Variants in EXOC2 observed in about 807,000 individuals in gnomAD.
EXOC2 encodes the protein exocyst complex component 2.
Under a neutral mutation model 131.8 loss-of-function variants are expected in EXOC2, and 70 were observed. The ratio of observed to expected loss-of-function variants is 0.53; its 90% CI spans 0.44 to 0.65. The LOEUF (loss-of-function observed/expected upper bound fraction) is 0.65. Among genes scored for constraint, EXOC2 ranks in the 30% least tolerant of loss-of-function variants. The probability of loss-of-function intolerance (pLI) is 0.00; values close to 1 mark genes in which losing one functional copy is unlikely to be tolerated. For synonymous variants in EXOC2, 411 were observed against 398.4 expected (o/e 1.03, Z -0.38); for missense variants, 923 against 1,108.6 (o/e 0.83, Z 2.38).
At chr6:630,301 TA>T (rs1311755183) in intron 3 of EXOC2, among the ~76,000 whole-genome samples, 3 of 152,244 alleles carry the variant, frequency 2.0e-5, no homozygotes, top group Non-Finnish European at 2.9e-5. Flanking sequence ...TTGTTAAATG[TA>T]GCTGATTAAA....
intron 23 of EXOC2, among the ~76,000 whole-genome samples, chr6:505,992 T>C (rs759253990): frequency 1.7e-4 from 26 of 152,190 alleles, no homozygotes; most frequent in Non-Finnish European, 1.8e-4. Context: ...AGTCAGAATA[T>C]ATCTGCGTCA....
chr6:502,183 G>T (rs949901153), intron 23 of EXOC2, among the ~76,000 whole-genome samples: 1 of 152,128 alleles, frequency 6.6e-6, no homozygotes, highest in African/African-American at 2.4e-5. Flanking sequence ...AAGCACAATA[G>T]TAAGCTGCTA....
intron 25 of EXOC2, among the ~76,000 whole-genome samples, chr6:492,199 G>A (rs573304708): frequency 6.6e-6 from 1 of 152,286 alleles, no homozygotes; most frequent in Admixed American, 6.5e-5. Context: ...GTGAAAGGAC[G>A]ACCCACAGAA....
At chr6:603,069 T>C (rs936679505) in intron 7 of EXOC2, among the ~76,000 whole-genome samples, 1 of 152,200 alleles carries the variant, frequency 6.6e-6, no homozygotes. Context: ...ATTTGGTCCT[T>C]TCCTTGGTAC....
intron 22 of EXOC2, among the ~76,000 whole-genome samples, chr6:538,135 A>G (rs1233872027): frequency 6.6e-6 from 1 of 152,260 alleles, no homozygotes; most frequent in East Asian, 1.9e-4. Flanking sequence ...TGCTACAAAA[A>G]GAGAGTAGAA....
intron 7 of EXOC2, among the ~76,000 whole-genome samples, chr6:606,813 C>T (rs113175294): frequency 0.012 from 1,783 of 152,340 alleles, 38 homozygotes; most frequent in African/African-American, 0.04. Flanking sequence ...CTATTCCTTC[C>T]GTCACTCTCC....
chr6:566,791 T>C (rs766695309), intron 13 of EXOC2, among the ~76,000 whole-genome samples: 3 of 152,068 alleles, frequency 2.0e-5, no homozygotes, highest in African/African-American at 7.2e-5. Context: ...CCCAAATATC[T>C]CCTCTGTGAC....
At chr6:572,833 C>T (rs1758364262) in intron 12 of EXOC2, among the ~76,000 whole-genome samples, 189 bp from the exon 13 acceptor site, 1 of 152,244 alleles carries the variant, frequency 6.6e-6, no homozygotes, top group Non-Finnish European at 1.5e-5. Flanking sequence ...CAGACACCCC[C>T]GCATTTCTCC....
intron 13 of EXOC2, among the ~76,000 whole-genome samples, chr6:565,965 C>T (rs868848244): frequency 2.4e-4 from 36 of 152,116 alleles, no homozygotes; most frequent in African/African-American, 7.2e-4. Flanking sequence ...TCAGACAAAC[C>T]TGACAAAAAA....
chr6:486,644 C>T lies in EXOC2; in HGVS notation c.*27G>A. 2 of 1,591,240 alleles carry T rather than the reference C, an allele frequency of 1.3e-6. No homozygotes were observed. Among genetic ancestry groups the T allele is most frequent in the Non-Finnish European group, 1.7e-6 (2 of 1,159,266 alleles). On this transcript the variant is annotated 3_prime_UTR_variant, in exon 28 of 28. Transcript: ENST00000230449. ...GAACAGTCTTATTACGTGTTATTTT[C>T]CTGGACTTCTTTTATGTGGCAGATA...
chr6:524,956 T>C (rs2473473), intron 23 of EXOC2: 145,493 of 152,234 alleles, frequency 0.96, 69,598 homozygotes, highest in East Asian at 1. Context: ...CAGTCGTGGA[T>C]GGCCCTCAGA....
At chr6:679,748 C>T (rs1764315119) in intron 1 of EXOC2, among the ~76,000 whole-genome samples, 1 of 152,132 alleles carries the variant, frequency 6.6e-6, no homozygotes, top group Non-Finnish European at 1.5e-5. Flanking sequence ...AACTATGCAG[C>T]CAGTGAAACA....
chr6:590,799 C>A (rs1291773490), intron 11 of EXOC2, among the ~76,000 whole-genome samples: 1 of 152,154 alleles, frequency 6.6e-6, no homozygotes, highest in Non-Finnish European at 1.5e-5. Context: ...CCTGAGTTTG[C>A]TTCTTTTTTC....
At chr6:537,454 G>C (rs899706504) in intron 22 of EXOC2, among the ~76,000 whole-genome samples, 1 of 150,852 alleles carries the variant, frequency 6.6e-6, no homozygotes, top group Non-Finnish European at 1.5e-5. Context: ...GCGTACACTC[G>C]AGTTGATGGC....
At chr6:488,102 G>A (rs1323156650) in intron 27 of EXOC2, among the ~76,000 whole-genome samples, 1 of 152,246 alleles carries the variant, frequency 6.6e-6, no homozygotes, top group Non-Finnish European at 1.5e-5. Flanking sequence ...ATGTGCCCAC[G>A]TGGGATGCGT....
At chr6:578,514 G>A (rs1204343793) in intron 11 of EXOC2, among the ~76,000 whole-genome samples, 1 of 152,156 alleles carries the variant, frequency 6.6e-6, no homozygotes, top group Non-Finnish European at 1.5e-5. Flanking sequence ...TCTGACTGAG[G>A]CCCTCCTACC....
chr6:610,390 T>G (rs1174921471), intron 6 of EXOC2, among the ~76,000 whole-genome samples: 1 of 152,180 alleles, frequency 6.6e-6, no homozygotes, highest in African/African-American at 2.4e-5. Flanking sequence ...CTAACACACA[T>G]AATCATCTGT....
rs747605501 is a variant in EXOC2 at position 576,810 on chromosome 6, C to G, written c.1265G>C (p.Ser422Thr). Residue 422 changes from serine to threonine, a missense_variant, in exon 12 of 28, where the codon AGT becomes ACT. Physicochemically the swap from Ser to Thr is moderately conservative, Grantham distance 58 (BLOSUM62 1). Coordinates refer to ENST00000230449, the MANE Select transcript of EXOC2 (RefSeq NM_018303.6). ...GCCCCTCTTCAGGGACGCTGTCTGA[C>G]TGAGATGGCCCAACACTGAGGGACG... ...DTRPSVLGHL[S>T]QTASLKRGSS... 1 of 1,614,116 alleles carries G rather than the reference C, an allele frequency of 6.2e-7. No individual in the cohort carries two copies. The highest frequency in any genetic ancestry group is 8.5e-7 in the Non-Finnish European group (1 of 1,180,020).
At position 514,801 on chromosome 6, in the gene EXOC2, C is replaced by A. The variant is rs553583423; in HGVS notation, c.2381-15101G>T. The stretch of plus-strand genomic sequence containing the variant: ...AAAGGACAGAGAACCAGCAGGCAGG[C>A]CCTGGGTCAAGCCCCGTGATGTCCC... On this transcript the variant is annotated intron_variant, in intron 23 of 27. Transcript: ENST00000230449. Among the ~76,000 whole-genome samples, 20 of 152,298 alleles carry A rather than the reference C, an allele frequency of 1.3e-4. 1 individual carries two copies. The South Asian group carries it at 3.5e-3, about 27-fold the overall frequency.
Sources: gnomAD v4.1 joint callset for allele counts (sites outside exome capture counted in the v4.1 genomes callset) on GRCh38, gnomAD v4.1.1 for gene constraint, MANE v1.5 for transcripts, NCBI Gene and HGNC (gene_info 2026-07-23, HGNC 2026-07-21) for gene names.